Variants in SYT13 observed in about 807,000 individuals in gnomAD.
SYT13 encodes the protein synaptotagmin 13.
A neutral mutation model predicts 38.6 loss-of-function variants in SYT13; 21 were observed. The ratio of observed to expected loss-of-function variants is 0.54; its 90% confidence interval spans 0.39 to 0.78. The LOEUF is 0.78. Ranked by LOEUF, SYT13 falls within the 30% of genes least tolerant of loss-of-function variation. SYT13 has a pLI of 0.00. For missense variants in SYT13, 495 were observed against 548.7 expected (o/e 0.90, Z 0.98); for synonymous variants, 241 against 237.6 (o/e 1.01, Z -0.13).
intron 5 of SYT13, among the ~76,000 whole-genome samples, chr11:45,245,265 T>A (rs1854600475): frequency 1.3e-5 from 2 of 152,348 alleles, no homozygotes; most frequent in South Asian, 4.1e-4. Context: ...GATTACTTAG[T>A]CAATGTTTCC....
intron 1 of SYT13, among the ~76,000 whole-genome samples, chr11:45,267,292 A>C (rs574908953): frequency 6.6e-6 from 1 of 152,138 alleles, no homozygotes; most frequent in Non-Finnish European, 1.5e-5. Context: ...AGCCTTGACC[A>C]TTCCTCCACG....
intron 4 of SYT13, among the ~76,000 whole-genome samples, chr11:45,251,384 T>C (rs796364022): frequency 1.4e-4 from 5 of 36,594 alleles, no homozygotes; most frequent in African/African-American, 4.3e-4. Flanking sequence ...CGAGACTCTG[T>C]CTAAAAAAAA....
intron 1 of SYT13, among the ~76,000 whole-genome samples, chr11:45,269,979 G>C (rs2135904530): frequency 6.6e-6 from 1 of 152,252 alleles, no homozygotes. Flanking sequence ...TATTTTAAAA[G>C]GTCAGTAATC....
chr11:45,263,503 A>G lies in SYT13; in HGVS notation c.184-7612T>C, dbSNP rs1248822596. Among the ~76,000 whole-genome samples, 3 of 152,210 alleles carry G rather than the reference A, an allele frequency of 2.0e-5. No homozygotes were observed. In the East Asian group the frequency reaches 5.8e-4, roughly 29 times the overall value. On this transcript the variant is annotated intron_variant, in intron 1 of 5. Transcript: ENST00000020926. ...AGCAGATCCAGCTGAAAAAGAGGTC[A>G]TCTTTGCTCCTTAAACTTGAACTTT...
In SYT13 at chr11:45,254,378, C is replaced by T. The variant is rs770142217; in HGVS notation, c.436G>A (p.Glu146Lys). 3.7e-6 allele frequency: 6 copies of T among 1,613,430 alleles called. No individual in the cohort carries two copies. Reference protein sequence around the residue: ...NGVVEDVCVMETWNPEKAASW... With the variant: ...NGVVEDVCVMKTWNPEKAASW... ...GCAGCCTTCTCTGGGTTCCAGGTCT[C>T]CATGACACAGACATCCTCCACCACA... Residue 146 changes from glutamate (E) to lysine (K), a missense_variant, in exon 3 of 6, where the codon GAG (glutamate) becomes AAG (lysine). Glu to Lys is a moderately conservative substitution (Grantham distance 56). Transcript: ENST00000020926.
At chr11:45,277,093 T>C (rs1202359821) in intron 1 of SYT13, among the ~76,000 whole-genome samples, 1 of 152,212 alleles carries the variant, frequency 6.6e-6, no homozygotes, top group Non-Finnish European at 1.5e-5. Context: ...TGATACATTC[T>C]ATGATGTGGA....
Position 45,252,385 on chromosome 11 carries a change from G to A in SYT13, c.846+36C>T, listed in dbSNP as rs979718034. ...GGTTCTGCCATCCCATGCTGCACGG[G>A]CAGGTTTTACCTTTCTAACCCAGGG... is the stretch of plus-strand genomic sequence containing the variant. On this transcript the variant is annotated intron_variant, in intron 4 of 5. Coordinates refer to ENST00000020926, the MANE Select transcript of SYT13 (RefSeq NM_020826.3). The surrounding 1 kb of genome is among the most constrained non-coding windows in gnomAD (Gnocchi z 4.3). The A allele has an allele frequency of 2.0e-6, 3 of 1,521,544 alleles. No individual in the cohort carries two copies. Among genetic ancestry groups the A allele is most frequent in the African/African-American group, 1.4e-5 (1 of 72,890 alleles). 94.3% of individuals were successfully genotyped at this position (1,521,544 alleles called of 1,614,324 possible).
intron 1 of SYT13, among the ~76,000 whole-genome samples, chr11:45,275,434 G>A (rs550799320): frequency 1.8e-4 from 27 of 152,192 alleles, no homozygotes; most frequent in African/African-American, 6.3e-4. Context: ...ATTTGACTCT[G>A]ATCTGTTCCT....
chr11:45,281,679 A>AAAAAG (rs1565399664), intron 1 of SYT13, among the ~76,000 whole-genome samples: 4 of 149,554 alleles, frequency 2.7e-5, no homozygotes, highest in South Asian at 2.1e-4. Flanking sequence ...AAAAAAAAAA[A>AAAAAG]AAAAATTGGT....
intron 5 of SYT13, among the ~76,000 whole-genome samples, chr11:45,245,784 C>T (rs1055483780): frequency 3.9e-5 from 6 of 152,310 alleles, no homozygotes; most frequent in African/African-American, 1.2e-4. Flanking sequence ...GGGGCACAGA[C>T]GCCTGAAGCC....
In SYT13 at chr11:45,242,687, T is replaced by C. The variant is rs1854566206; in HGVS notation, c.*1365A>G. On this transcript the variant is annotated 3_prime_UTR_variant, in exon 6 of 6. Transcript: ENST00000020926. Reference sequence around the variant, plus strand: ...GAACACTATTTCATCTAGTATATCATTCATTGGGGTAGGCTTCCTAGTCAT... The same window carrying C: ...GAACACTATTTCATCTAGTATATCACTCATTGGGGTAGGCTTCCTAGTCAT... The C allele has an allele frequency of 6.6e-6, 1 of 152,092 alleles. No individual in the cohort carries two copies. The highest frequency in any genetic ancestry group is 2.4e-5 in the African/African-American group (1 of 41,420). The allele number at this position is 152,092 out of a possible 1,614,324, so 9.4% of individuals were successfully genotyped here.
At chr11:45,268,057 T>C (rs1854906368) in intron 1 of SYT13, among the ~76,000 whole-genome samples, 1 of 152,156 alleles carries the variant, frequency 6.6e-6, no homozygotes, top group Non-Finnish European at 1.5e-5. Flanking sequence ...GGGCACTCAC[T>C]GCCTCCAGCC....
At chr11:45,247,979 A>G (rs1260688364) in intron 4 of SYT13, among the ~76,000 whole-genome samples, 7 of 152,358 alleles carry the variant, frequency 4.6e-5, no homozygotes, top group African/African-American at 1.7e-4. Flanking sequence ...TCAAAACAAC[A>G]ATTATTAATA....
intron 1 of SYT13, chr11:45,269,604 C>T (rs1854924920): frequency 1.9e-6 from 1 of 519,564 alleles, no homozygotes; most frequent in South Asian, 2.0e-5. Context: ...CTAATATTAA[C>T]AAATAAAAAA....
chr11:45,265,616 C>T (rs989752014), intron 1 of SYT13, among the ~76,000 whole-genome samples: 2 of 152,164 alleles, frequency 1.3e-5, no homozygotes, highest in Admixed American at 1.3e-4. Context: ...TTGTTGCATC[C>T]TCACATGGTT....
intron 4 of SYT13, among the ~76,000 whole-genome samples, chr11:45,250,692 G>C (rs564392602): frequency 6.6e-6 from 1 of 152,298 alleles, no homozygotes; most frequent in Admixed American, 6.5e-5. Flanking sequence ...CCATCTGAGA[G>C]TGGCTGTGAT....
chr11:45,255,951 A>G (rs923239245), intron 1 of SYT13, 60 bp from the exon 2 acceptor site: 8 of 1,553,388 alleles, frequency 5.2e-6, no homozygotes, highest in African/African-American at 1.4e-5. Context: ...GTTTCCCCCC[A>G]TGGAAGGGAG....
At chr11:45,272,601 A>G (rs4755308) in intron 1 of SYT13, among the ~76,000 whole-genome samples, 62,060 of 152,118 alleles carry the variant, frequency 0.41, 15,111 homozygotes, top group Non-Finnish European at 0.56. Flanking sequence ...AACCTAATAG[A>G]TTTCCTTCTG....
intron 1 of SYT13, among the ~76,000 whole-genome samples, chr11:45,261,445 A>C (rs918830554): frequency 1.3e-4 from 20 of 152,094 alleles, no homozygotes; most frequent in African/African-American, 4.3e-4. Flanking sequence ...CACACACACA[A>C]AAATTAGCTG....
Sources: allele counts gnomAD v4.1 joint callset (sites outside exome capture counted in the v4.1 genomes callset), GRCh38; gene constraint gnomAD v4.1.1; non-coding constraint Gnocchi (gnomAD v3.1); transcripts MANE v1.5; gene names NCBI Gene and HGNC (gene_info 2026-07-23, HGNC 2026-07-21).